The following CNTN5 variants were observed in gnomAD, a reference collection of about 807,000 sequenced individuals.
CNTN5 encodes the protein contactin-5.
Under a neutral mutation model 129.1 loss-of-function variants are expected in CNTN5, and 77 were observed. That is an observed-to-expected ratio of 0.60 (90% CI 0.50 to 0.72). The LOEUF is 0.72. Ranked by LOEUF, CNTN5 falls within the 30% of genes least tolerant of loss-of-function variation. The probability of loss-of-function intolerance (pLI) is 0.00; values close to 1 mark genes in which losing one functional copy is unlikely to be tolerated. For synonymous variants in CNTN5, 509 were observed against 465.6 expected (o/e 1.09, Z -1.20); for missense variants, 1,478 against 1,328.8 (o/e 1.11, Z -1.75).
intron 2 of CNTN5, among the ~76,000 whole-genome samples, chr11:99,531,621 TC>T (rs1947709304): frequency 6.6e-6 from 1 of 152,118 alleles, no homozygotes; most frequent in African/African-American, 2.4e-5. Flanking sequence ...AGGCCCAGCG[TC>T]CCCGTGCTGT....
intron 3 of CNTN5, among the ~76,000 whole-genome samples, chr11:99,666,614 T>A (rs1206471874): frequency 1.3e-5 from 2 of 152,314 alleles, no homozygotes; most frequent in East Asian, 3.9e-4. Context: ...CGAAACAGTC[T>A]TACAGAGTCT....
intron 1 of CNTN5, among the ~76,000 whole-genome samples, chr11:99,218,091 T>C (rs1212836539): frequency 6.6e-6 from 1 of 152,172 alleles, no homozygotes; most frequent in Non-Finnish European, 1.5e-5. Flanking sequence ...CAGTAGCTAC[T>C]GTTAAGATCA....
At chr11:99,522,886 AG>A (rs576924201) in intron 2 of CNTN5, among the ~76,000 whole-genome samples, 28 of 152,282 alleles carry the variant, frequency 1.8e-4, no homozygotes, top group Admixed American at 8.5e-4. Flanking sequence ...ATGTGTTACA[AG>A]AATCATCCTT....
chr11:99,858,003 T>A (rs1948092085), intron 6 of CNTN5, among the ~76,000 whole-genome samples: 1 of 152,172 alleles, frequency 6.6e-6, no homozygotes, highest in Non-Finnish European at 1.5e-5. Flanking sequence ...GCTTAAAGTG[T>A]CTACCCAGTG....
At chr11:99,422,709 T>TGAC (rs1202154847) in intron 2 of CNTN5, among the ~76,000 whole-genome samples, 2 of 151,772 alleles carry the variant, frequency 1.3e-5, no homozygotes, top group Non-Finnish European at 2.9e-5. Context: ...TTTGATAAAT[T>TGAC]GACAGTCTTC....
chr11:99,991,467 AAAAC>A (rs35179064), intron 8 of CNTN5, among the ~76,000 whole-genome samples: 26,440 of 151,440 alleles, frequency 0.17, 2,382 homozygotes, highest in African/African-American at 0.18. Flanking sequence ...ACTCTGTCTC[AAAAC>A]AAACAAACAA....
chr11:99,581,284 G>A (rs1426359329), intron 3 of CNTN5, among the ~76,000 whole-genome samples: 3 of 140,868 alleles, frequency 2.1e-5, no homozygotes, highest in African/African-American at 8.1e-5. Context: ...GGTGTGGTGT[G>A]GTGCTGAAAA....
chr11:99,091,021 C>CAAAGAAAA (rs1866226438), intron 1 of CNTN5, among the ~76,000 whole-genome samples: 1 of 56,754 alleles, frequency 1.8e-5, no homozygotes, highest in East Asian at 6.6e-4. Context: ...GACTCCGTCT[C>CAAAGAAAA]AAAAAAAAAA....
At chr11:99,121,577 A>ATTTT (rs1235955691) in intron 1 of CNTN5, among the ~76,000 whole-genome samples, 2 of 152,090 alleles carry the variant, frequency 1.3e-5, no homozygotes, top group East Asian at 3.8e-4. Flanking sequence ...TTCTTAAAAA[A>ATTTT]GAGAGCTTGT....
intron 23 of CNTN5, among the ~76,000 whole-genome samples, chr11:100,343,655 C>G (rs1353249674): frequency 6.6e-6 from 1 of 152,084 alleles, no homozygotes; most frequent in Admixed American, 6.6e-5. Context: ...AAGCTTGGAG[C>G]CCGTCTTCTG....
chr11:99,888,591 T>TTATTTCTAAGATC (rs1439431729), intron 6 of CNTN5, among the ~76,000 whole-genome samples: 2 of 152,186 alleles, frequency 1.3e-5, no homozygotes, highest in Admixed American at 6.5e-5. Context: ...AGGCTTATTT[T>TTATTTCTAAGATC]TATTTCTAAG....
intron 1 of CNTN5, among the ~76,000 whole-genome samples, chr11:99,124,969 A>G (rs1335274382): frequency 1.3e-5 from 2 of 152,046 alleles, no homozygotes; most frequent in Non-Finnish European, 2.9e-5. Flanking sequence ...TGAATCAATA[A>G]AACAGCCTAC....
intron 2 of CNTN5, among the ~76,000 whole-genome samples, chr11:99,338,463 CT>C (rs1565502010): frequency 6.6e-6 from 1 of 152,122 alleles, no homozygotes; most frequent in African/African-American, 2.4e-5. Context: ...GAGAATGTCT[CT>C]TTTTTCTTAC....
At position 99,248,461 on chromosome 11, in the gene CNTN5, GTT is replaced by G. The variant is rs1465840400; in HGVS notation, c.-209-76883_-209-76882del. Among the ~76,000 whole-genome samples, 4 of 152,060 alleles carry G rather than the reference GTT, an allele frequency of 2.6e-5. No individual in the cohort carries two copies. In the East Asian group the frequency reaches 7.7e-4, roughly 29 times the overall value. On this transcript the variant is annotated intron_variant, in intron 1 of 24. Coordinates refer to ENST00000524871, the MANE Select transcript of CNTN5 (RefSeq NM_014361.4). ...TCTTTTGCTGTGCAGAAGCTCTTTA[GTT>G]TAATTAGATCCCATTTGTCAATTTT... is the stretch of plus-strand genomic sequence containing the variant.
At chr11:100,263,076 C>A (rs1944191) in intron 17 of CNTN5, among the ~76,000 whole-genome samples, 133,760 of 152,146 alleles carry the variant, frequency 0.88, 58,933 homozygotes, top group East Asian at 1. Context: ...AACTTCCCAT[C>A]TCTCTCCAAA....
At chr11:99,907,932 T>C (rs1949552236) in intron 6 of CNTN5, among the ~76,000 whole-genome samples, 1 of 152,076 alleles carries the variant, frequency 6.6e-6, no homozygotes. Flanking sequence ...AATTCTTTCA[T>C]AAATGTGAAC....
At chr11:99,858,068 G>T (rs1348784269) in intron 6 of CNTN5, among the ~76,000 whole-genome samples, 1 of 151,940 alleles carries the variant, frequency 6.6e-6, no homozygotes, top group East Asian at 1.9e-4. Flanking sequence ...ACCTCTTTCA[G>T]TCAGGTTTTT....
At chr11:100,006,738 A>T (rs1940217474) in intron 9 of CNTN5, among the ~76,000 whole-genome samples, 1 of 147,804 alleles carries the variant, frequency 6.8e-6, no homozygotes, top group African/African-American at 2.6e-5. Context: ...TAATATTTTG[A>T]CCTTCCATGA....
chr11:99,066,231 G>C (rs1400220243), intron 1 of CNTN5, among the ~76,000 whole-genome samples: 1 of 152,108 alleles, frequency 6.6e-6, no homozygotes, highest in African/African-American at 2.4e-5. Flanking sequence ...AGCCTCCTGA[G>C]TAGCTGGGAC....
Sources: gnomAD v4.1 joint callset for allele counts (sites outside exome capture counted in the v4.1 genomes callset) on GRCh38, gnomAD v4.1.1 for gene constraint, MANE v1.5 for transcripts, NCBI Gene and HGNC (gene_info 2026-07-23, HGNC 2026-07-21) for gene names.